Variants in MGAM2 observed in about 807,000 individuals in gnomAD.
MGAM2 encodes probable maltase-glucoamylase 2.
In MGAM2, 98 loss-of-function variants were observed where a neutral mutation model predicts 96.1. The ratio of observed to expected loss-of-function variants is 1.02; its 90% confidence interval spans 0.87 to 1.21. The LOEUF (loss-of-function observed/expected upper bound fraction) is 1.21, where lower values mean the gene tolerates loss of function less well. Ranked by LOEUF, MGAM2 falls within the 50% of genes most tolerant of loss-of-function variation. The pLI is 0.00. For missense variants in MGAM2, 2,055 were observed against 1,182.4 expected (o/e 1.74, Z -10.82); for synonymous variants, 749 against 414.8 (o/e 1.81, Z -9.79).
At chr7:142,159,079 G>A (rs1304110421) in intron 19 of MGAM2, among the ~76,000 whole-genome samples, 3 of 152,180 alleles carry the variant, frequency 2.0e-5, no homozygotes, top group African/African-American at 7.2e-5. Flanking sequence ...AAGTGCAGCA[G>A]CATTGAGCAA....
At chr7:142,127,433 T>G (rs77985421) in intron 3 of MGAM2, among the ~76,000 whole-genome samples, 9,971 of 152,190 alleles carry the variant, frequency 0.066, 1,112 homozygotes, top group African/African-American at 0.23. Flanking sequence ...TCTTTGGTTG[T>G]TTTCTTTTGT....
At chr7:142,174,004 T>TG (rs1451503648) in intron 31 of MGAM2, among the ~76,000 whole-genome samples, 1 of 152,164 alleles carries the variant, frequency 6.6e-6, no homozygotes, top group Non-Finnish European at 1.5e-5. Flanking sequence ...TATGGTCTTG[T>TG]TTCTGGGTTC....
chr7:142,191,079 G>A (rs1796854274), intron 37 of MGAM2, among the ~76,000 whole-genome samples: 1 of 151,850 alleles, frequency 6.6e-6, no homozygotes. Context: ...AGGCTGCAGT[G>A]AACTATGATG....
Position 142,164,942 on chromosome 7 carries a change from CA to C in MGAM2, c.2574del (p.Lys858AsnfsTer10). The C allele has an allele frequency of 1.4e-6, 1 of 702,726 alleles. No homozygotes were observed. The allele number at this position is 702,726 out of a possible 1,614,324, so 43.5% of individuals were successfully genotyped here. A position where few individuals can be genotyped will look rare whatever the true frequency, so the allele number is the denominator to read the frequency against. On this transcript the variant is annotated frameshift_variant, in exon 24 of 48. Transcript: ENST00000477922. LOFTEE classifies it high-confidence loss of function. ...FTDITILGMD[K>X]QPANFIVLLN... is the part of the protein sequence containing the mutation. ...CAGATATCACAATCTTGGGAATGGA[CA>C]AACAGCCAGCTAATTTTATCGTCCT... is the stretch of plus-strand genomic sequence containing the variant.
At chr7:142,209,201 A>C (rs1048878201) in intron 46 of MGAM2, among the ~76,000 whole-genome samples, 7 of 152,186 alleles carry the variant, frequency 4.6e-5, no homozygotes, top group African/African-American at 1.7e-4. Context: ...AGGTCTAGGC[A>C]CGGCTTCTTC....
intron 23 of MGAM2, 32 bp from the exon 24 acceptor site, chr7:142,164,824 G>T: frequency 3.0e-6 from 2 of 666,570 alleles, no homozygotes; most frequent in South Asian, 3.4e-5. Context: ...GAAGTACCTG[G>T]TTTCCAATCT....
chr7:142,157,752 T>A (rs1200166252), intron 17 of MGAM2, among the ~76,000 whole-genome samples, 185 bp from the exon 18 acceptor site: 1 of 152,158 alleles, frequency 6.6e-6, no homozygotes, highest in African/African-American at 2.4e-5. Flanking sequence ...AGTCATATAA[T>A]CCTTGATATT....
intron 17 of MGAM2, among the ~76,000 whole-genome samples, chr7:142,157,514 C>T: frequency 6.6e-6 from 1 of 152,026 alleles, no homozygotes; most frequent in African/African-American, 2.4e-5. Flanking sequence ...GCCTCAGCCT[C>T]CCGAGTAGCT....
At chr7:142,152,552 C>T (rs1795611394) in intron 15 of MGAM2, among the ~76,000 whole-genome samples, 1 of 152,134 alleles carries the variant, frequency 6.6e-6, no homozygotes, top group Admixed American at 6.6e-5. Context: ...CTCCAAACTT[C>T]CCAGGAAAAT....
intron 14 of MGAM2, among the ~76,000 whole-genome samples, chr7:142,145,785 G>C (rs998128497): frequency 6.6e-6 from 1 of 152,090 alleles, no homozygotes; most frequent in Non-Finnish European, 1.5e-5. Flanking sequence ...TTTATGCGCA[G>C]GCCTAGAAGG....
At chr7:142,156,159 A>C (rs963674276) in intron 17 of MGAM2, among the ~76,000 whole-genome samples, 1 of 152,118 alleles carries the variant, frequency 6.6e-6, no homozygotes, top group African/African-American at 2.4e-5. Flanking sequence ...ACAAAACAAA[A>C]AAAAAAACAA....
intron 46 of MGAM2, 129 bp from the exon 47 acceptor site, chr7:142,218,232 T>G (rs1797822993): frequency 2.1e-6 from 1 of 481,002 alleles, no homozygotes; most frequent in Non-Finnish European, 3.6e-6. Flanking sequence ...CAATAAAAAT[T>G]TAAATACATA....
At chr7:142,203,468 G>A (rs1050991431) in intron 45 of MGAM2, among the ~76,000 whole-genome samples, 5 of 151,950 alleles carry the variant, frequency 3.3e-5, no homozygotes, top group South Asian at 2.1e-4. Context: ...AACTAGCAAT[G>A]TCATTTTTCA....
At chr7:142,180,078 G>A (rs1796493545) in intron 32 of MGAM2, among the ~76,000 whole-genome samples, 1 of 151,962 alleles carries the variant, frequency 6.6e-6, no homozygotes, top group Non-Finnish European at 1.5e-5. Context: ...TTCTGGTTCA[G>A]TCTTGGGAGG....
chr7:142,129,024 G>C (rs932512188), intron 3 of MGAM2, among the ~76,000 whole-genome samples: 1 of 152,230 alleles, frequency 6.6e-6, no homozygotes, highest in African/African-American at 2.4e-5. Flanking sequence ...GAGGGGGGCT[G>C]TACATGCAGA....
chr7:142,161,554 A>T (rs1312331009), intron 22 of MGAM2, among the ~76,000 whole-genome samples: 1 of 152,218 alleles, frequency 6.6e-6, no homozygotes, highest in Non-Finnish European at 1.5e-5. Flanking sequence ...TGGAAGAAAT[A>T]TCTAATTTGT....
chr7:142,129,351 T>C (rs367782360), intron 3 of MGAM2, among the ~76,000 whole-genome samples: 1 of 152,160 alleles, frequency 6.6e-6, no homozygotes. Flanking sequence ...TTTGGATTAA[T>C]GCTGGAATGA....
At chr7:142,149,031 A>G (rs1482616796) in intron 15 of MGAM2, among the ~76,000 whole-genome samples, 1 of 152,134 alleles carries the variant, frequency 6.6e-6, no homozygotes, top group Non-Finnish European at 1.5e-5. Flanking sequence ...GTTTGAGACC[A>G]GCCTGGCCAT....
intron 32 of MGAM2, among the ~76,000 whole-genome samples, chr7:142,179,697 G>T (rs898829086): frequency 6.6e-6 from 1 of 152,086 alleles, no homozygotes; most frequent in African/African-American, 2.4e-5. Flanking sequence ...GCGTCTCAGG[G>T]TTATGGAGGA....
Sources: gnomAD v4.1 joint callset for allele counts (sites outside exome capture counted in the v4.1 genomes callset) on GRCh38, gnomAD v4.1.1 for gene constraint, MANE v1.5 for transcripts, NCBI Gene and HGNC (gene_info 2026-07-23, HGNC 2026-07-21) for gene names.